The following SNAP91 variants were observed in gnomAD, a reference collection of about 807,000 sequenced individuals.
SNAP91 encodes the protein clathrin coat assembly protein AP180.
In SNAP91, 27 loss-of-function variants were observed where a neutral mutation model predicts 100.3. The observed-to-expected ratio is 0.27, with a 90% CI of 0.20 to 0.37. The LOEUF (loss-of-function observed/expected upper bound fraction) is 0.37. SNAP91 is among the 10% of genes least tolerant of loss of function. The probability of loss-of-function intolerance (pLI) is 1.00; values close to 1 mark genes in which losing one functional copy is unlikely to be tolerated. For missense variants in SNAP91, 986 were observed against 1,123.7 expected (o/e 0.88, Z 1.75); for synonymous variants, 404 against 398.6 (o/e 1.01, Z -0.16).
At position 83,560,777 on chromosome 6, in the gene SNAP91, A is replaced by T. The variant is rs137994947; in HGVS notation, c.2526+87T>A. 574 of 1,162,950 alleles carry T rather than the reference A, an allele frequency of 4.9e-4. 3 individuals carry two copies. The African/African-American group carries it at 6.9e-3, about 14-fold the overall frequency. 72.0% of individuals were successfully genotyped at this position (1,162,950 alleles called of 1,614,324 possible). ...TACTTACTGTGTTTTGGGAAAAATT[A>T]TATTCTGTAGGAATACTTAGTAATT... On this transcript the variant is annotated intron_variant, in intron 27 of 29. Transcript: ENST00000369694.
At chr6:83,588,990 T>C (rs146220199) in intron 22 of SNAP91, among the ~76,000 whole-genome samples, 131 of 152,316 alleles carry the variant, frequency 8.6e-4, no homozygotes, top group African/African-American at 2.9e-3. Flanking sequence ...AAAGAATTCA[T>C]AGGCTTCTGT....
intron 28 of SNAP91, 148 bp from the exon 29 acceptor site, chr6:83,556,393 GAGAA>G (rs199702417): frequency 0.01 from 4,403 of 440,026 alleles, 877 homozygotes; most frequent in African/African-American, 0.016. Context: ...GAGAGAGAGA[GAGAA>G]AAGCATTAGG....
intron 22 of SNAP91, among the ~76,000 whole-genome samples, chr6:83,585,545 A>C (rs1347204866): frequency 2.0e-5 from 2 of 97,764 alleles, no homozygotes; most frequent in Non-Finnish European, 2.1e-5. Flanking sequence ...AAAAAAAAAA[A>C]AGAAAGGTGC....
At chr6:83,592,912 A>G (rs1582836645) in intron 20 of SNAP91, 34 bp downstream of exon 20, 3 of 1,487,274 alleles carry the variant, frequency 2.0e-6, no homozygotes, top group South Asian at 1.2e-5. Flanking sequence ...TCCACAAGAC[A>G]TCTCTGAAGT....
At chr6:83,661,137 T>A (rs2098536871) in intron 5 of SNAP91, among the ~76,000 whole-genome samples, 1 of 152,202 alleles carries the variant, frequency 6.6e-6, no homozygotes, top group Non-Finnish European at 1.5e-5. Context: ...CACTATACTT[T>A]TAAGTGAATC....
chr6:83,631,140 T>A (rs1203259277), intron 8 of SNAP91, among the ~76,000 whole-genome samples: 1 of 152,186 alleles, frequency 6.6e-6, no homozygotes, highest in East Asian at 1.9e-4. Context: ...TCCATGTATT[T>A]GCATGGTTTT....
At chr6:83,693,712 G>C (rs539478454) in intron 2 of SNAP91, among the ~76,000 whole-genome samples, 1 of 152,324 alleles carries the variant, frequency 6.6e-6, no homozygotes, top group Non-Finnish European at 1.5e-5. Context: ...CTATCAAGCA[G>C]AGAGGAAGAA....
chr6:83,678,664 T>C, intron 2 of SNAP91: 1 of 938,284 alleles, frequency 1.1e-6, no homozygotes, highest in Non-Finnish European at 1.5e-6. Context: ...ATTCCAAGGT[T>C]ATCACAGCAC....
intron 2 of SNAP91, among the ~76,000 whole-genome samples, chr6:83,688,249 G>A (rs1192258322): frequency 6.6e-6 from 1 of 151,746 alleles, no homozygotes; most frequent in African/African-American, 2.4e-5. Context: ...GTCTCCTTTT[G>A]CTCTAATGAA....
At position 83,682,833 on chromosome 6, in the gene SNAP91, G is replaced by A. The variant is rs1357470067; in HGVS notation, c.131-17252C>T. Among the ~76,000 whole-genome samples the A allele has an allele frequency of 8.2e-5, 12 of 146,704 alleles. No homozygotes were observed. The Admixed American group carries it at 8.4e-4, about 10-fold the overall frequency. On this transcript the variant is annotated intron_variant, in intron 2 of 29. Transcript: ENST00000369694. ...CCTTTAAATTAGCCTTTTTTTTTGAGGAAAAGGAAACATAAGATCCCTCTC... is the reference window on the plus strand; with the variant it reads ...CCTTTAAATTAGCCTTTTTTTTTGAAGAAAAGGAAACATAAGATCCCTCTC...
intron 2 of SNAP91, among the ~76,000 whole-genome samples, chr6:83,682,957 T>G (rs2099012593): frequency 6.6e-6 from 1 of 152,024 alleles, no homozygotes; most frequent in African/African-American, 2.4e-5. Flanking sequence ...CCAGCTAGCC[T>G]CTGGAAGCCT....
chr6:83,614,748 A>T, intron 11 of SNAP91, 109 bp downstream of exon 11: 1 of 773,810 alleles, frequency 1.3e-6, no homozygotes, highest in South Asian at 1.9e-5. Context: ...TGTAAAAGGG[A>T]CAGAAATCAG....
At chr6:83,661,714 G>A (rs2098546338) in intron 4 of SNAP91, 110 bp from the exon 5 acceptor site, 1 of 531,128 alleles carries the variant, frequency 1.9e-6, no homozygotes. Context: ...CCTAGGATAG[G>A]GTCAATAACT....
In SNAP91 at chr6:83,554,224, C is replaced by A; in HGVS notation, c.*72G>T. On this transcript the variant is annotated 3_prime_UTR_variant, in exon 30 of 30. Coordinates refer to ENST00000369694, the MANE Select transcript of SNAP91 (RefSeq NM_001242792.2). Reference sequence around the variant, plus strand: ...ACTGGTGGCTCCCTTTGAAACTCAGCATCAATCTTATTTGAAGTCTCCAAA... The same window carrying A: ...ACTGGTGGCTCCCTTTGAAACTCAGAATCAATCTTATTTGAAGTCTCCAAA... 4.0e-6 allele frequency: 1 copy of A among 249,984 alleles called. No homozygotes were observed. The highest frequency in any genetic ancestry group is 5.7e-5 in the Admixed American group (1 of 17,604). The allele number at this position is 249,984 out of a possible 1,614,324, so 15.5% of individuals were successfully genotyped here. A position where few individuals can be genotyped will look rare whatever the true frequency, so the allele number is the denominator to read the frequency against.
At chr6:83,647,519 C>T (rs995168548) in intron 7 of SNAP91, among the ~76,000 whole-genome samples, 5 of 152,124 alleles carry the variant, frequency 3.3e-5, no homozygotes, top group Admixed American at 2.6e-4. Flanking sequence ...ACCAGCTTTG[C>T]ATACCTGGGT....
At chr6:83,607,293 C>A (rs1053224132) in intron 13 of SNAP91, among the ~76,000 whole-genome samples, 9 of 151,120 alleles carry the variant, frequency 6.0e-5, no homozygotes, top group Admixed American at 5.9e-4. Flanking sequence ...GTTCCTCATA[C>A]GCACTAGCTA....
chr6:83,582,829 G>A (rs913233137), intron 22 of SNAP91, among the ~76,000 whole-genome samples: 1 of 152,112 alleles, frequency 6.6e-6, no homozygotes, highest in Non-Finnish European at 1.5e-5. Context: ...TAGCCCCACT[G>A]CTGTTACCAC....
At position 83,576,062 on chromosome 6, in the gene SNAP91, G is replaced by A. The variant is rs1275299516; in HGVS notation, c.2300-9C>T. On this transcript the variant is annotated splice_polypyrimidine_tract_variant and intron_variant, in intron 24 of 29. Transcript: ENST00000369694. ...ACCAGAAATTCCAAGATCTATAAATGGATAAAAGAAAAAAGAATGTAAATC... is the reference window on the plus strand; with the variant it reads ...ACCAGAAATTCCAAGATCTATAAATAGATAAAAGAAAAAAGAATGTAAATC... The A allele has an allele frequency of 1.5e-6, 2 of 1,313,972 alleles. No homozygotes were observed. Among genetic ancestry groups the A allele is most frequent in the Non-Finnish European group, 2.1e-6 (2 of 953,014 alleles). The allele number at this position is 1,313,972 out of a possible 1,614,324, so 81.4% of individuals were successfully genotyped here. A position where few individuals can be genotyped will look rare whatever the true frequency, so the allele number is the denominator to read the frequency against.
At chr6:83,693,763 A>G (rs1452334415) in intron 2 of SNAP91, among the ~76,000 whole-genome samples, 1 of 152,242 alleles carries the variant, frequency 6.6e-6, no homozygotes, top group East Asian at 1.9e-4. Flanking sequence ...CTGAATTACT[A>G]GCTTATAAAG....
Sources: allele counts gnomAD v4.1 joint callset (sites outside exome capture counted in the v4.1 genomes callset), GRCh38; gene constraint gnomAD v4.1.1; transcripts MANE v1.5; gene names NCBI Gene and HGNC (gene_info 2026-07-23, HGNC 2026-07-21).